DIAPH2: variants seen among roughly 807,000 people sequenced by gnomAD.
DIAPH2 encodes the protein protein diaphanous homolog 2.
Under a neutral mutation model 92.7 loss-of-function variants are expected in DIAPH2, and 35 were observed. That is an observed-to-expected ratio of 0.38 (90% confidence interval 0.29 to 0.50). DIAPH2 has a LOEUF of 0.50. DIAPH2 is among the 20% of genes least tolerant of loss of function. DIAPH2 has a pLI of 0.94. For missense variants in DIAPH2, 701 were observed against 819.5 expected, an observed-to-expected ratio of 0.86 and a Z score of 1.77; for synonymous variants, 301 against 280.4, an observed-to-expected ratio of 1.07 and a Z score of -0.73.
chrX:96,808,561 T>C (rs2064648335), intron 4 of DIAPH2, among the ~76,000 whole-genome samples: 1 of 111,893 alleles, frequency 8.9e-6, no homozygotes, highest in Admixed American at 9.5e-5. Flanking sequence ...ACATTTCACA[T>C]TTTCAACATG....
chrX:97,135,101 T>C (rs1458093286), intron 21 of DIAPH2, among the ~76,000 whole-genome samples: 1 of 112,064 alleles, frequency 8.9e-6, no homozygotes, highest in African/African-American at 3.2e-5. Flanking sequence ...AGACTAGTTG[T>C]GTACACAAAA....
At chrX:96,724,780 C>A (rs1230413328) in intron 1 of DIAPH2, among the ~76,000 whole-genome samples, 4 of 112,080 alleles carry the variant, frequency 3.6e-5, no homozygotes, top group African/African-American at 1.3e-4. Context: ...ACTTAAAAAT[C>A]TCTGTGATTC....
intron 26 of DIAPH2, among the ~76,000 whole-genome samples, chrX:97,587,550 T>G (rs1257896952): frequency 8.9e-6 from 1 of 112,274 alleles, no homozygotes; most frequent in African/African-American, 3.2e-5. Context: ...GAAATAGAGT[T>G]AGAACCTTGA....
chrX:97,336,537 C>T (rs908434471), intron 23 of DIAPH2, among the ~76,000 whole-genome samples: 1 of 110,855 alleles, frequency 9.0e-6, no homozygotes, highest in Non-Finnish European at 1.9e-5. Flanking sequence ...TTGTGAGCCA[C>T]AGCTCCCAGC....
At chrX:97,015,915 C>CTAT (rs1376663913) in intron 17 of DIAPH2, among the ~76,000 whole-genome samples, 1 of 110,276 alleles carries the variant, frequency 9.1e-6, no homozygotes, top group Non-Finnish European at 1.9e-5. Context: ...TTGATCAATT[C>CTAT]CTCTATGCTT....
chrX:96,704,844 AT>A (rs1287460419), intron 1 of DIAPH2, among the ~76,000 whole-genome samples: 1 of 111,257 alleles, frequency 9.0e-6, no homozygotes, highest in Non-Finnish European at 1.9e-5. Context: ...AATGATTCAG[AT>A]TTAGGAACAG....
chrX:96,986,463 T>C (rs1188255548), intron 17 of DIAPH2, among the ~76,000 whole-genome samples: 2 of 111,570 alleles, frequency 1.8e-5, no homozygotes, highest in African/African-American at 6.5e-5. Context: ...ATTGAGGAAG[T>C]TGACTTTAGG....
At chrX:96,854,669 A>G (rs1226034505) in intron 4 of DIAPH2, among the ~76,000 whole-genome samples, 7 of 91,287 alleles carry the variant, frequency 7.7e-5, no homozygotes, top group African/African-American at 2.8e-4. Context: ...GCAGCTACCA[A>G]ATGACTAATG....
rs148604922 is a variant in DIAPH2 at position 97,298,610 on chromosome X, C to CTT, written c.2845-49488_2845-49487dup. Among the ~76,000 whole-genome samples, 512 of 87,695 alleles carry CTT rather than the reference C, an allele frequency of 5.8e-3. 8 individuals carry two copies. Among genetic ancestry groups the CTT allele is most frequent in the African/African-American group, 0.014 (307 of 22,216 alleles). 76.2% of individuals were successfully genotyped at this position (87,695 alleles called of 115,157 possible). A position where few individuals can be genotyped will look rare whatever the true frequency, so the allele number is the denominator to read the frequency against. ...ATTTACCATTAAGGGACTCTTAGTC[C>CTT]TTTTTTTTTTTTTTTTTTTATTGAA... is the stretch of plus-strand genomic sequence containing the variant. On this transcript the variant is annotated intron_variant, in intron 23 of 26. Coordinates refer to ENST00000324765, the MANE Select transcript of DIAPH2 (RefSeq NM_006729.5).
intron 24 of DIAPH2, among the ~76,000 whole-genome samples, chrX:97,349,058 ATG>A (rs1013305389): frequency 3.0e-5 from 3 of 99,018 alleles, no homozygotes; most frequent in East Asian, 6.1e-4. Flanking sequence ...GTATTTATAT[ATG>A]TGTGTGTATA....
chrX:96,969,257 C>T (rs1223767159), intron 17 of DIAPH2, among the ~76,000 whole-genome samples: 3 of 110,779 alleles, frequency 2.7e-5, no homozygotes, highest in African/African-American at 9.8e-5. Context: ...TTTTTCTAAG[C>T]CTGTGAAAAA....
rs149920957 is a variant in DIAPH2, at chrX:97,144,223, C to T, written c.2719+2429C>T. Among the ~76,000 whole-genome samples, 47 of 110,989 alleles carry T rather than the reference C, an allele frequency of 4.2e-4. No homozygotes were observed. In the East Asian group the frequency reaches 0.013, roughly 32 times the overall value. ...AAATTAGCCAGTTTCATGCTACTTG[C>T]AGGGGCTGAGGCAAGAGCATTCCTC... On this transcript the variant is annotated intron_variant, in intron 22 of 26. Transcript: ENST00000324765.
chrX:97,032,895 G>A (rs1187083892), intron 17 of DIAPH2, among the ~76,000 whole-genome samples: 2 of 111,382 alleles, frequency 1.8e-5, no homozygotes, highest in Non-Finnish European at 3.8e-5. Flanking sequence ...GAATAATTCA[G>A]TATCTCTATT....
rs773977458 is a variant in DIAPH2 at position 96,718,320 on chromosome X, G to A, written c.133-17438G>A. Among the ~76,000 whole-genome samples the A allele has an allele frequency of 3.3e-3, 117 of 35,627 alleles. 1 individual carries two copies. Among genetic ancestry groups the A allele is most frequent in the Admixed American group, 6.7e-3 (18 of 2,699 alleles). 30.9% of individuals were successfully genotyped at this position (35,627 alleles called of 115,157 possible). On this transcript the variant is annotated intron_variant, in intron 1 of 26. Coordinates refer to ENST00000324765, the MANE Select transcript of DIAPH2 (RefSeq NM_006729.5). ...CTGGATAGTACTCCATTGTATATAT[G>A]TACCACATTTTCTTTGTTTTTTTTT...
At chrX:97,407,723 A>G (rs1446294517) in intron 25 of DIAPH2, among the ~76,000 whole-genome samples, 1 of 112,369 alleles carries the variant, frequency 8.9e-6, no homozygotes, top group Non-Finnish European at 1.9e-5. Context: ...CCATACCTCT[A>G]TTCATTTTAC....
intron 22 of DIAPH2, among the ~76,000 whole-genome samples, chrX:97,206,086 T>C (rs1199298703): frequency 1.8e-5 from 2 of 111,186 alleles, no homozygotes; most frequent in Admixed American, 9.6e-5. Flanking sequence ...TTCTCACTCA[T>C]AAGTGAGAGT....
At chrX:96,870,041 G>A (rs2065129655) in intron 4 of DIAPH2, among the ~76,000 whole-genome samples, 1 of 110,843 alleles carries the variant, frequency 9.0e-6, no homozygotes, top group African/African-American at 3.3e-5. Flanking sequence ...AGATGGTTTT[G>A]TACTGTCCTC....
chrX:97,391,174 G>A lies in DIAPH2; in HGVS notation c.3145+7130G>A, dbSNP rs185162136. On this transcript the variant is annotated intron_variant, in intron 25 of 26. Transcript: ENST00000324765. ...AAGAGTAAGAATAATAGAGTTGGGT[G>A]TCTGTCAAGATGGAGCTCACTGTCT... 7.2e-5 allele frequency among the ~76,000 whole-genome samples: 8 copies of A among 111,384 alleles called. No individual in the cohort carries two copies. In the East Asian group the frequency reaches 2.3e-3, roughly 31 times the overall value.
intron 17 of DIAPH2, among the ~76,000 whole-genome samples, chrX:96,975,167 A>G (rs2065952821): frequency 8.9e-6 from 1 of 111,779 alleles, no homozygotes; most frequent in Non-Finnish European, 1.9e-5. Context: ...CTTATGGTGT[A>G]ACTGAGATTG....
Sources: allele counts gnomAD v4.1 joint callset (sites outside exome capture counted in the v4.1 genomes callset), GRCh38; gene constraint gnomAD v4.1.1; transcripts MANE v1.5; gene names NCBI Gene and HGNC (gene_info 2026-07-23, HGNC 2026-07-21).